RBM34: variants seen among roughly 807,000 people sequenced by gnomAD.
RBM34 encodes the protein RNA-binding protein 34.
RBM34 carries 39 observed loss-of-function variants against 44.6 expected under a neutral mutation model. The observed-to-expected ratio is 0.87, with a 90% CI of 0.68 to 1.14. The LOEUF is 1.14. RBM34 is among the 50% of genes most tolerant of loss of function. The pLI is 0.00. For missense variants in RBM34, 572 were observed against 517.9 expected, an observed-to-expected ratio of 1.10 and a Z score of -1.01; for synonymous variants, 194 against 184.0, an observed-to-expected ratio of 1.05 and a Z score of -0.44.
rs150407859 is a variant in RBM34, at chr1:235,147,340, T to C, written c.701+1064A>G. ...AATTTTCTAACATATCCCACTAAAC[T>C]CCTCAGTAGTACTTGTACATACACC... On this transcript the variant is annotated intron_variant, in intron 6 of 10. Transcript: ENST00000408888. Among the ~76,000 whole-genome samples the C allele has an allele frequency of 1.2e-3, 186 of 152,326 alleles. 2 individuals carry two copies. Among genetic ancestry groups the C allele is most frequent in the Non-Finnish European group, 1.1e-3 (74 of 68,040 alleles).
intron 6 of RBM34, among the ~76,000 whole-genome samples, chr1:235,142,347 C>T (rs1258191627): frequency 7.2e-5 from 11 of 152,102 alleles, no homozygotes; most frequent in East Asian, 1.9e-4. Flanking sequence ...GGCATGATCT[C>T]GGCTCACTGC....
intron 8 of RBM34, 121 bp from the exon 9 acceptor site, chr1:235,136,194 C>A: frequency 2.6e-6 from 2 of 775,868 alleles, no homozygotes; most frequent in Non-Finnish European, 4.3e-6. Context: ...CTAATTTAAC[C>A]ACACATCATG....
intron 4 of RBM34, 43 bp from the exon 5 acceptor site, chr1:235,152,808 C>T (rs991704456): frequency 2.1e-6 from 3 of 1,451,312 alleles, no homozygotes; most frequent in South Asian, 2.5e-5. Context: ...ACCTTCAGAA[C>T]ATCAAATAAG....
chr1:235,155,876 C>CT (rs111691284), intron 3 of RBM34, among the ~76,000 whole-genome samples: 62,515 of 84,658 alleles, frequency 0.74, 22,517 homozygotes, highest in African/African-American at 0.83. Context: ...TACATATATA[C>CT]TTTTTTTTTT....
chr1:235,160,936 G>T lies in RBM34; in HGVS notation c.185C>A (p.Ser62Tyr), dbSNP rs757412621. Residue 62 changes from serine to tyrosine, a missense_variant, in exon 2 of 11, where the codon TCT becomes TAT. By Grantham distance (144) the Ser-to-Tyr change is moderately radical. Coordinates refer to ENST00000408888, the MANE Select transcript of RBM34 (RefSeq NM_015014.4). ...CACGGGTTGAATCTGGGGCTCCAGA[G>T]AACTGAAGAGGGACGCCAGCCGACC... ...GTGRLASLFS[S>Y]LEPQIQPVYV... 1 of 1,614,068 alleles carries T rather than the reference G, an allele frequency of 6.2e-7. No homozygotes were observed. The highest frequency in any genetic ancestry group is 8.5e-7 in the Non-Finnish European group (1 of 1,180,042).
chr1:235,159,727 C>T (rs1023472601), intron 3 of RBM34, among the ~76,000 whole-genome samples: 3 of 150,392 alleles, frequency 2.0e-5, no homozygotes, highest in African/African-American at 7.4e-5. Flanking sequence ...AAAAATTAAC[C>T]GGGCATGGTG....
intron 3 of RBM34, 65 bp from the exon 4 acceptor site, chr1:235,155,177 AG>A: frequency 7.9e-7 from 1 of 1,265,260 alleles, no homozygotes. Flanking sequence ...TATTTGACAA[AG>A]CACAGCCCTA....
At chr1:235,140,959 G>A (rs2102835017) in intron 6 of RBM34, among the ~76,000 whole-genome samples, 1 of 152,184 alleles carries the variant, frequency 6.6e-6, no homozygotes, top group African/African-American at 2.4e-5. Context: ...TCTAGCTCAA[G>A]GTTTGTAAAC....
At chr1:235,145,529 C>A (rs1048566741) in intron 6 of RBM34, among the ~76,000 whole-genome samples, 3 of 152,154 alleles carry the variant, frequency 2.0e-5, no homozygotes, top group Non-Finnish European at 2.9e-5. Flanking sequence ...CCACCCACCT[C>A]AGCATCCCAA....
chr1:235,155,858 TATATATATAC>T (rs1426507386), intron 3 of RBM34, among the ~76,000 whole-genome samples: 8 of 42,156 alleles, frequency 1.9e-4, no homozygotes, highest in South Asian at 1.1e-3. Context: ...TATATATATA[TATATATATAC>T]ATATATACTT....
In RBM34 at chr1:235,131,611, A is replaced by T; in HGVS notation, c.*102T>A. On this transcript the variant is annotated 3_prime_UTR_variant, in exon 11 of 11. Transcript: ENST00000408888. ...CATTTCACATACACCATCCATAAAG[A>T]AGTATAAAACTCAACACATGAATAG... 3 of 1,271,068 alleles carry T rather than the reference A, an allele frequency of 2.4e-6. No homozygotes were observed. The highest frequency in any genetic ancestry group is 3.3e-6 in the Non-Finnish European group (3 of 917,420). 78.7% of individuals were successfully genotyped at this position (1,271,068 alleles called of 1,614,324 possible).
At chr1:235,132,174 AGT>A (rs1387588978) in intron 10 of RBM34, among the ~76,000 whole-genome samples, 177 bp from the exon 11 acceptor site, 1 of 151,952 alleles carries the variant, frequency 6.6e-6, no homozygotes, top group Admixed American at 6.6e-5. Flanking sequence ...GCTCGTCACC[AGT>A]GTTTCCTCAG....
At chr1:235,138,778 C>T (rs1237020857) in intron 6 of RBM34, among the ~76,000 whole-genome samples, 2 of 151,428 alleles carry the variant, frequency 1.3e-5, no homozygotes, top group Admixed American at 1.3e-4. Flanking sequence ...CTTGTCTATA[C>T]TTTTGACCTG....
intron 3 of RBM34, among the ~76,000 whole-genome samples, chr1:235,155,717 CTAG>C (rs1662373974): frequency 6.7e-6 from 1 of 148,584 alleles, no homozygotes; most frequent in South Asian, 2.1e-4. Flanking sequence ...GTTGGCCAGG[CTAG>C]TCTTGAACTC....
chr1:235,160,326 A>C (rs1013953497), intron 3 of RBM34, 185 bp downstream of exon 3: 2 of 763,406 alleles, frequency 2.6e-6, no homozygotes, highest in Admixed American at 4.0e-5. Flanking sequence ...AAATATTAGT[A>C]ATTGCTGATG....
At chr1:235,143,706 C>A (rs531043641) in intron 6 of RBM34, among the ~76,000 whole-genome samples, 1 of 152,226 alleles carries the variant, frequency 6.6e-6, no homozygotes, top group East Asian at 1.9e-4. Context: ...CCACTGCACT[C>A]CAGCCTGAGC....
At chr1:235,141,759 G>A (rs186094461) in intron 6 of RBM34, among the ~76,000 whole-genome samples, 93 of 152,018 alleles carry the variant, frequency 6.1e-4, no homozygotes, top group African/African-American at 2.1e-3. Flanking sequence ...CTCCAGACGC[G>A]CTGCCTTAAG....
chr1:235,141,329 G>C lies in RBM34; in HGVS notation c.702-3155C>G, dbSNP rs546138319. On this transcript the variant is annotated intron_variant, in intron 6 of 10. Transcript: ENST00000408888. The stretch of plus-strand genomic sequence containing the variant: ...CCTGTGTTTAGCTCAGGGTTTGTGA[G>C]TGCACCAATCGATACTCTGTATCTA... Among the ~76,000 whole-genome samples, 231 of 152,156 alleles carry C rather than the reference G, an allele frequency of 1.5e-3. 2 individuals are homozygous for C. Among genetic ancestry groups the C allele is most frequent in the African/African-American group, 5.3e-3 (219 of 41,508 alleles).
At chr1:235,135,417 C>T (rs1467276677) in intron 10 of RBM34, among the ~76,000 whole-genome samples, 3 of 151,232 alleles carry the variant, frequency 2.0e-5, no homozygotes, top group East Asian at 2.0e-4. Flanking sequence ...TTAGTAGAGA[C>T]GAGGTTTTAC....
Sources: allele counts gnomAD v4.1 joint callset (sites outside exome capture counted in the v4.1 genomes callset), GRCh38; gene constraint gnomAD v4.1.1; transcripts MANE v1.5; gene names NCBI Gene and HGNC (gene_info 2026-07-23, HGNC 2026-07-21).